GRIA1: variants seen among roughly 807,000 people sequenced by gnomAD.
GRIA1 encodes the protein glutamate ionotropic receptor AMPA type subunit 1, also known as glutamate receptor 1.
Under a neutral mutation model 99.2 loss-of-function variants are expected in GRIA1, and 31 were observed. The observed-to-expected ratio is 0.31, with a 90% CI of 0.23 to 0.42. The LOEUF (loss-of-function observed/expected upper bound fraction) is 0.42. GRIA1 is among the 10% of genes least tolerant of loss of function. The pLI is 1.00. For synonymous variants in GRIA1, 438 were observed against 432.4 expected (o/e 1.01, Z -0.16); for missense variants, 782 against 1,157.5 (o/e 0.68, Z 4.71).
intron 7 of GRIA1, among the ~76,000 whole-genome samples, chr5:153,681,292 C>T (rs1200847769): frequency 1.3e-5 from 2 of 152,184 alleles, no homozygotes; most frequent in Non-Finnish European, 2.9e-5. Flanking sequence ...GTTCCGCCGC[C>T]ATGATGCAAA....
At chr5:153,545,334 T>C (rs1413757833) in intron 2 of GRIA1, among the ~76,000 whole-genome samples, 1 of 151,854 alleles carries the variant, frequency 6.6e-6, no homozygotes, top group Non-Finnish European at 1.5e-5. Context: ...TTTGAAATGG[T>C]TGAGGGGTAT....
chr5:153,752,300 C>T (rs1305801080), intron 11 of GRIA1, among the ~76,000 whole-genome samples: 1 of 152,090 alleles, frequency 6.6e-6, no homozygotes, highest in Admixed American at 6.6e-5. Flanking sequence ...TGATCTCCCA[C>T]TCCTACTTCA....
At chr5:153,750,472 T>A (rs1762438872) in intron 11 of GRIA1, among the ~76,000 whole-genome samples, 1 of 152,066 alleles carries the variant, frequency 6.6e-6, no homozygotes. Context: ...CACGACGTGT[T>A]TTTGAAATAA....
At chr5:153,752,876 GA>G (rs1278183324) in intron 11 of GRIA1, among the ~76,000 whole-genome samples, 3 of 152,302 alleles carry the variant, frequency 2.0e-5, no homozygotes, top group Admixed American at 6.5e-5. Context: ...CCAATCAGGT[GA>G]ACTCTTAATA....
intron 11 of GRIA1, among the ~76,000 whole-genome samples, chr5:153,726,901 C>G (rs1047658397): frequency 2.0e-5 from 3 of 152,172 alleles, no homozygotes; most frequent in Admixed American, 1.3e-4. Flanking sequence ...CAAGCATCAT[C>G]CTGATATCAA....
upstream of GRIA1, chr5:153,489,885 T>C (rs1471473269): frequency 2.2e-6 from 1 of 456,306 alleles, no homozygotes; most frequent in East Asian, 7.0e-5. Context: ...TCTGATGCTA[T>C]AGACTCCTGT....
chr5:153,731,160 C>T (rs1760985027), intron 11 of GRIA1, among the ~76,000 whole-genome samples: 1 of 152,000 alleles, frequency 6.6e-6, no homozygotes, highest in Non-Finnish European at 1.5e-5. Flanking sequence ...CATTCGAACC[C>T]TGTGAAATTT....
intron 15 of GRIA1, among the ~76,000 whole-genome samples, chr5:153,803,561 A>C (rs1167114344): frequency 6.6e-6 from 1 of 152,200 alleles, no homozygotes; most frequent in Non-Finnish European, 1.5e-5. Flanking sequence ...AGAAAGATTG[A>C]AGAAGGCTTC....
chr5:153,582,532 T>C (rs1763133450), intron 2 of GRIA1, among the ~76,000 whole-genome samples: 1 of 152,114 alleles, frequency 6.6e-6, no homozygotes, highest in African/African-American at 2.4e-5. Context: ...TTGAAGACCT[T>C]TCTTCTTTTT....
At chr5:153,729,692 T>C (rs1021460988) in intron 11 of GRIA1, among the ~76,000 whole-genome samples, 1 of 152,060 alleles carries the variant, frequency 6.6e-6, no homozygotes. Context: ...TTGAAAAGAA[T>C]AAACAACATT....
chr5:153,795,262 T>G (rs1765572478), intron 14 of GRIA1, among the ~76,000 whole-genome samples: 1 of 151,976 alleles, frequency 6.6e-6, no homozygotes, highest in South Asian at 2.1e-4. Context: ...AGTGATATAG[T>G]GATACTCATC....
At chr5:153,571,522 T>C (rs1291666327) in intron 2 of GRIA1, among the ~76,000 whole-genome samples, 1 of 152,208 alleles carries the variant, frequency 6.6e-6, no homozygotes, top group Non-Finnish European at 1.5e-5. Flanking sequence ...CTAAGTAATC[T>C]TTTTAAAATT....
chr5:153,534,981 G>A (rs1036209773), intron 2 of GRIA1, among the ~76,000 whole-genome samples: 1 of 151,986 alleles, frequency 6.6e-6, no homozygotes, highest in African/African-American at 2.4e-5. Flanking sequence ...GAGTGCAGTG[G>A]CACAATCTTG....
intron 2 of GRIA1, among the ~76,000 whole-genome samples, chr5:153,633,423 G>A (rs1270825610): frequency 6.6e-6 from 1 of 152,156 alleles, no homozygotes; most frequent in African/African-American, 2.4e-5. Context: ...GTTGTTTCCT[G>A]CCATGTTTTG....
At chr5:153,597,613 A>G (rs746396169) in intron 2 of GRIA1, among the ~76,000 whole-genome samples, 2 of 152,188 alleles carry the variant, frequency 1.3e-5, no homozygotes, top group Non-Finnish European at 2.9e-5. Flanking sequence ...AGCACTCTTA[A>G]AATATTAACA....
intron 4 of GRIA1, among the ~76,000 whole-genome samples, chr5:153,652,848 C>T (rs1754674330): frequency 1.3e-5 from 2 of 152,118 alleles, no homozygotes; most frequent in East Asian, 1.9e-4. Context: ...AATGAGCCTA[C>T]AACTTATATC....
At chr5:153,775,119 T>G (rs1392876042) in intron 13 of GRIA1, among the ~76,000 whole-genome samples, 1 of 152,244 alleles carries the variant, frequency 6.6e-6, no homozygotes, top group East Asian at 1.9e-4. Flanking sequence ...CTATTGGCCC[T>G]TTTGGTGCCA....
intron 11 of GRIA1, among the ~76,000 whole-genome samples, chr5:153,709,842 G>C (rs961276673): frequency 5.9e-5 from 9 of 152,218 alleles, no homozygotes; most frequent in Admixed American, 3.9e-4. Flanking sequence ...AGTGGCAAGA[G>C]AGGCTGAGAA....
At chr5:153,697,674 G>A (rs529760873) in intron 8 of GRIA1, among the ~76,000 whole-genome samples, 51 of 152,140 alleles carry the variant, frequency 3.4e-4, no homozygotes, top group Admixed American at 1.1e-3. Context: ...CTGAAGTGCA[G>A]GGTTAGTAGA....
Sources: allele counts gnomAD v4.1 joint callset (sites outside exome capture counted in the v4.1 genomes callset), GRCh38; gene constraint gnomAD v4.1.1; transcripts MANE v1.5; gene names NCBI Gene and HGNC (gene_info 2026-07-23, HGNC 2026-07-21).